Variants in PACS2 observed in about 807,000 individuals in gnomAD.
PACS2 encodes the protein PACS1-like protein.
PACS2 carries 36 observed loss-of-function variants against 113.0 expected under a neutral mutation model. The ratio of observed to expected loss-of-function variants is 0.32; its 90% CI spans 0.24 to 0.42. The LOEUF (loss-of-function observed/expected upper bound fraction) is 0.42, where lower values mean the gene tolerates loss of function less well. Among genes scored for constraint, PACS2 ranks in the 10% least tolerant of loss-of-function variants. PACS2 has a pLI of 1.00. For synonymous variants in PACS2, 589 were observed against 536.1 expected (o/e 1.10, Z -1.36); for missense variants, 1,015 against 1,239.5 (o/e 0.82, Z 2.72).
intron 1 of PACS2, among the ~76,000 whole-genome samples, chr14:105,321,547 G>A (rs1360055181): frequency 6.6e-6 from 1 of 152,022 alleles, no homozygotes; most frequent in Non-Finnish European, 1.5e-5. Context: ...ATTTTTTGTA[G>A]AGACTGGGTT....
chr14:105,325,172 G>C (rs372780691), intron 1 of PACS2, among the ~76,000 whole-genome samples: 59 of 151,814 alleles, frequency 3.9e-4, no homozygotes, highest in East Asian at 1.8e-3. Flanking sequence ...GGTGGGACGG[G>C]GGGGGGCTCG....
intron 1 of PACS2, among the ~76,000 whole-genome samples, chr14:105,319,991 C>G (rs587622008): frequency 6.6e-6 from 1 of 152,096 alleles, no homozygotes; most frequent in South Asian, 2.1e-4. Flanking sequence ...CTTTTCTTTT[C>G]TTTTTGAGAC....
At chr14:105,310,305 C>T (rs587760133), upstream of PACS2, among the ~76,000 whole-genome samples, 39 of 150,636 alleles carry the variant, frequency 2.6e-4, no homozygotes, top group South Asian at 6.5e-3. Flanking sequence ...TCGAGGCGGG[C>T]GGATCATGAG....
At chr14:105,334,556 T>C (rs918610937) in intron 1 of PACS2, among the ~76,000 whole-genome samples, 5 of 151,872 alleles carry the variant, frequency 3.3e-5, no homozygotes, top group Non-Finnish European at 5.9e-5. Flanking sequence ...AGTGCCTACG[T>C]AGAGCTCCAC....
chr14:105,310,498 CCAGCCTGGGCGA>C (rs587734744), upstream of PACS2, among the ~76,000 whole-genome samples: 133 of 143,702 alleles, frequency 9.3e-4, no homozygotes, highest in South Asian at 5.7e-3. Flanking sequence ...CCACTGCACT[CCAGCCTGGGCGA>C]CAGACAGAGC....
rs1555416036 is a variant in PACS2 at position 105,394,654 on chromosome 14, C to G, written c.2697C>G (p.His899Gln). 1.9e-6 allele frequency: 3 copies of G among 1,612,356 alleles called. No individual in the cohort carries two copies. The highest frequency in any genetic ancestry group is 2.5e-6 in the Non-Finnish European group (3 of 1,178,978). The change falls in exon 25 of 25, where the codon CAC (histidine) becomes CAG (glutamine). Residue 899 changes from histidine (H) to glutamine (Q), a missense_variant. Physicochemically the swap from His to Gln is conservative, Grantham distance 24. Coordinates refer to ENST00000447393, the MANE Select transcript of PACS2 (RefSeq NM_001100913.3). ...ACTTCCCCATCTGCATCTTCGGACACTCCAAGGCCACCTTCTAGCCCCACC... is the reference window on the plus strand; with the variant it reads ...ACTTCCCCATCTGCATCTTCGGACAGTCCAAGGCCACCTTCTAGCCCCACC... ...VKHFPICIFG[H>Q]SKATF
In PACS2 at chr14:105,336,990, T is replaced by C. The variant is rs962022053; in HGVS notation, c.120-11503T>C. Among the ~76,000 whole-genome samples, 16 of 152,202 alleles carry C rather than the reference T, an allele frequency of 1.1e-4. No individual in the cohort carries two copies. The East Asian group carries it at 3.1e-3, about 29-fold the overall frequency. ...GCGTGATGGACGCAGCCTGTATCCA[T>C]CCTCGGACAAACAAGTCAGCACCAT... On this transcript the variant is annotated intron_variant, in intron 1 of 24. Transcript: ENST00000447393.
Position 105,376,713 on chromosome 14 carries a change from A to T in PACS2, c.802-55A>T. 2 of 1,576,284 alleles carry T rather than the reference A, an allele frequency of 1.3e-6. No homozygotes were observed. The highest frequency in any genetic ancestry group is 8.7e-7 in the Non-Finnish European group (1 of 1,154,354). On this transcript the variant is annotated intron_variant, in intron 8 of 24. Transcript: ENST00000447393. This position sits in a 1 kb window ranked among gnomAD's most constrained non-coding sequence, Gnocchi z 4.7. ...AGACTCTGGGGTCTCGGGCGCCCCCAGTGGGGCAATGTGGGCTGCTGCAGG... is the reference window on the plus strand; with the variant it reads ...AGACTCTGGGGTCTCGGGCGCCCCCTGTGGGGCAATGTGGGCTGCTGCAGG...
Position 105,348,790 on chromosome 14 carries a change from G to A in PACS2, c.207+210G>A. 1.8e-6 allele frequency: 1 copy of A among 541,344 alleles called. No individual in the cohort carries two copies. The highest frequency in any genetic ancestry group is 3.3e-6 in the Non-Finnish European group (1 of 300,426). The allele number at this position is 541,344 out of a possible 1,614,324, so 33.5% of individuals were successfully genotyped here. On this transcript the variant is annotated intron_variant, in intron 2 of 24. Coordinates refer to ENST00000447393, the MANE Select transcript of PACS2 (RefSeq NM_001100913.3). This position sits in a 1 kb window ranked among gnomAD's most constrained non-coding sequence, Gnocchi z 6.4. ...CAAGGGAGGCAGGCCCGGCCTTCTG[G>A]GATGTGGAGGTCACATGCATGGGGC...
intron 19 of PACS2, chr14:105,389,739 TGTCAGAAG>T: frequency 5.1e-6 from 3 of 593,888 alleles, no homozygotes; most frequent in Non-Finnish European, 9.1e-6. Context: ...CATGTCAGCA[TGTCAGAAG>T]GGGCCCAGGC....
intron 1 of PACS2, among the ~76,000 whole-genome samples, chr14:105,347,122 G>A (rs2059970732): frequency 6.7e-6 from 1 of 148,618 alleles, no homozygotes; most frequent in African/African-American, 2.5e-5. Flanking sequence ...TCTGGTGTCT[G>A]CCCCTTGGCT....
intron 1 of PACS2, among the ~76,000 whole-genome samples, chr14:105,305,630 G>A (rs587647247): frequency 4.8e-4 from 73 of 152,318 alleles, no homozygotes; most frequent in African/African-American, 1.2e-3. Context: ...AGGGAGTAAC[G>A]CTCCCCACGT....
At chr14:105,310,533 CAAAAAAAAAAAAAA>C (rs764203821), upstream of PACS2, among the ~76,000 whole-genome samples, 400 of 79,726 alleles carry the variant, frequency 5.0e-3, 2 homozygotes, top group South Asian at 7.9e-3. Flanking sequence ...GACTCTGTCT[CAAAAAAAAAAAAAA>C]AAAAAAAAGA....
intron 1 of PACS2, among the ~76,000 whole-genome samples, chr14:105,326,283 G>A (rs775296093): frequency 3.3e-5 from 5 of 152,208 alleles, no homozygotes; most frequent in African/African-American, 4.8e-5. Context: ...CGGGTGGGGC[G>A]GGGGCTCCGC....
At chr14:105,328,245 G>A (rs1402719212) in intron 1 of PACS2, among the ~76,000 whole-genome samples, 1 of 152,230 alleles carries the variant, frequency 6.6e-6, no homozygotes, top group Non-Finnish European at 1.5e-5. Context: ...CCCCCGGAGT[G>A]GCCAGCTTTC....
At chr14:105,318,825 A>AT (rs1208284276) in intron 1 of PACS2, among the ~76,000 whole-genome samples, 1 of 149,818 alleles carries the variant, frequency 6.7e-6, no homozygotes, top group Non-Finnish European at 1.5e-5. Flanking sequence ...CGCCCGGCTA[A>AT]TTTTTTTTAT....
At chr14:105,386,554 T>C (rs972335708) in intron 19 of PACS2, among the ~76,000 whole-genome samples, 1 of 152,134 alleles carries the variant, frequency 6.6e-6, no homozygotes, top group African/African-American at 2.4e-5. Flanking sequence ...CTTGGCCAGG[T>C]GTGTCCTGCT....
Position 105,314,941 on chromosome 14 carries a change from G to A in PACS2, c.23G>A (p.Gly8Asp). 1 of 1,156,014 alleles carries A rather than the reference G, an allele frequency of 8.7e-7. No homozygotes were observed. The highest frequency in any genetic ancestry group is 1.1e-6 in the Non-Finnish European group (1 of 922,500). The allele number at this position is 1,156,014 out of a possible 1,614,324, so 71.6% of individuals were successfully genotyped here. A position where few individuals can be genotyped will look rare whatever the true frequency, so the allele number is the denominator to read the frequency against. Residue 8 changes from glycine to aspartate, a missense_variant, in exon 1 of 25, where the codon GGC becomes GAC. By Grantham distance (94) the Gly-to-Asp change is moderately conservative (BLOSUM62 -1). This residue lies in a region of PACS2 where 140 missense variants were observed against 135.1 expected (regional missense o/e 1.04). Transcript: ENST00000447393. MAERGRL[G>D]LPGAPGALNT... ...GCCATGGCCGAGCGAGGCCGCCTCG[G>A]CCTCCCCGGCGCGCCCGGCGCGCTC...
At chr14:105,311,146 GT>G (rs2058341525), upstream of PACS2, among the ~76,000 whole-genome samples, 1 of 152,084 alleles carries the variant, frequency 6.6e-6, no homozygotes, top group African/African-American at 2.4e-5. Context: ...TAGAGATGGG[GT>G]TTCACTATGT....
Sources: gnomAD v4.1 joint callset for allele counts (sites outside exome capture counted in the v4.1 genomes callset) on GRCh38, gnomAD v4.1.1 for gene constraint, gnomAD v4.1.1 regional missense constraint, Gnocchi (gnomAD v3.1) non-coding constraint, MANE v1.5 for transcripts, NCBI Gene and HGNC (gene_info 2026-07-23, HGNC 2026-07-21) for gene names.